NAALADL2: variants seen among roughly 807,000 people sequenced by gnomAD.
NAALADL2 encodes N-acetylated alpha-linked acidic dipeptidase like 2.
Under a neutral mutation model 87.2 loss-of-function variants are expected in NAALADL2, and 76 were observed. The ratio of observed to expected loss-of-function variants is 0.87; its 90% CI spans 0.72 to 1.05. NAALADL2 has a LOEUF of 1.05. NAALADL2 is among the 50% of genes least tolerant of loss of function. The pLI, the probability that NAALADL2 is intolerant of heterozygous loss-of-function variation, is 0.00. For missense variants in NAALADL2, 1,089 were observed against 945.8 expected, an observed-to-expected ratio of 1.15 and a Z score of -1.99; for synonymous variants, 354 against 331.0, an observed-to-expected ratio of 1.07 and a Z score of -0.75.
chr3:175,484,697 G>A (rs1726996776), intron 9 of NAALADL2, among the ~76,000 whole-genome samples: 1 of 152,076 alleles, frequency 6.6e-6, no homozygotes, highest in South Asian at 2.1e-4. Flanking sequence ...AGGCTAATGA[G>A]GCCAAGACTT....
At chr3:175,476,835 G>A (rs1541638) in intron 9 of NAALADL2, among the ~76,000 whole-genome samples, 120,551 of 151,988 alleles carry the variant, frequency 0.79, 47,882 homozygotes, top group East Asian at 0.9. Context: ...TTGAGTGACT[G>A]GAGCCCTGAC....
In NAALADL2 at chr3:175,761,093, G is replaced by T. The variant is rs568100876; in HGVS notation, c.2189+5675G>T. On this transcript the variant is annotated intron_variant, in intron 13 of 13. Coordinates refer to ENST00000454872, the MANE Select transcript of NAALADL2 (RefSeq NM_207015.3). Reference sequence around the variant, plus strand: ...CTAAAATGAATAGTTTAATATCAGGGTTTGCTCTTTAGGTTGTACATTCTA... The same window carrying T: ...CTAAAATGAATAGTTTAATATCAGGTTTTGCTCTTTAGGTTGTACATTCTA... 3.3e-5 allele frequency among the ~76,000 whole-genome samples: 5 copies of T among 152,220 alleles called. No homozygotes were observed. The East Asian group carries it at 7.7e-4, about 24-fold the overall frequency.
intron 1 of NAALADL2, among the ~76,000 whole-genome samples, chr3:174,957,574 GA>G (rs1215107772): frequency 1.3e-5 from 2 of 151,676 alleles, no homozygotes; most frequent in African/African-American, 2.4e-5. Flanking sequence ...AGACCCAATA[GA>G]AAAAGTTTTA....
chr3:174,483,022 T>C (rs1717653623), intron 1 of NAALADL2, among the ~76,000 whole-genome samples: 1 of 152,032 alleles, frequency 6.6e-6, no homozygotes, highest in South Asian at 2.1e-4. Context: ...CAACATTAGA[T>C]TGTGTTACTC....
chr3:175,170,187 G>C (rs1397665343), intron 2 of NAALADL2, among the ~76,000 whole-genome samples: 1 of 151,456 alleles, frequency 6.6e-6, no homozygotes, highest in South Asian at 2.1e-4. Context: ...AAAAATAAAA[G>C]TTTAGAATAA....
chr3:175,327,497 C>T (rs895140570), intron 5 of NAALADL2, among the ~76,000 whole-genome samples: 2 of 151,990 alleles, frequency 1.3e-5, no homozygotes, highest in African/African-American at 4.8e-5. Flanking sequence ...TTTATATGTA[C>T]GTTCCCACAA....
intron 1 of NAALADL2, among the ~76,000 whole-genome samples, chr3:174,475,474 A>G (rs1248549924): frequency 1.3e-5 from 2 of 151,814 alleles, no homozygotes; most frequent in Non-Finnish European, 2.9e-5. Context: ...TTTTAGTTTC[A>G]TAGAAATATA....
At chr3:174,749,131 A>C (rs1392552926) in intron 3 of NAALADL2, among the ~76,000 whole-genome samples, 1 of 147,788 alleles carries the variant, frequency 6.8e-6, no homozygotes, top group Non-Finnish European at 1.5e-5. Flanking sequence ...GCCTAATCCC[A>C]ATTTTCTCTC....
chr3:175,603,377 A>G (rs910010362), intron 10 of NAALADL2, among the ~76,000 whole-genome samples: 6 of 152,130 alleles, frequency 3.9e-5, no homozygotes, highest in Non-Finnish European at 7.3e-5. Context: ...TAATACATAG[A>G]CTCATATTGT....
intron 12 of NAALADL2, among the ~76,000 whole-genome samples, chr3:175,745,644 A>G (rs1032326398): frequency 2.0e-5 from 3 of 152,168 alleles, no homozygotes; most frequent in African/African-American, 7.2e-5. Flanking sequence ...TTTTTTCCAC[A>G]AATATTTTCA....
At chr3:175,571,748 G>A (rs1463675412) in intron 9 of NAALADL2, among the ~76,000 whole-genome samples, 2 of 152,136 alleles carry the variant, frequency 1.3e-5, no homozygotes, top group East Asian at 1.9e-4. Context: ...TCTATGCCAG[G>A]AATGTTTTTC....
Position 175,251,785 on chromosome 3 carries a change from A to G in NAALADL2, c.820-4626A>G, listed in dbSNP as rs115861617. Among the ~76,000 whole-genome samples, 92 of 152,340 alleles carry G rather than the reference A, an allele frequency of 6.0e-4. 1 individual carries two copies. The highest frequency in any genetic ancestry group is 1.2e-3 in the Non-Finnish European group (82 of 68,034). The stretch of plus-strand genomic sequence containing the variant: ...AAGTCTATAGAAAAGACTTTCAAAA[A>G]GGATCTAGTTTTAAGGCTTGCTTTG... On this transcript the variant is annotated intron_variant, in intron 3 of 13. Transcript: ENST00000454872.
intron 9 of NAALADL2, among the ~76,000 whole-genome samples, chr3:175,551,704 C>T (rs1439970300): frequency 1.3e-5 from 2 of 152,008 alleles, no homozygotes; most frequent in Admixed American, 1.3e-4. Flanking sequence ...TCGAGACCAT[C>T]CTGGCTAACA....
intron 10 of NAALADL2, among the ~76,000 whole-genome samples, chr3:175,592,558 C>G (rs1721664860): frequency 6.6e-6 from 1 of 151,916 alleles, no homozygotes; most frequent in African/African-American, 2.4e-5. Flanking sequence ...ACTATGCAGC[C>G]ATAAAAAATG....
At chr3:175,132,192 A>T (rs1204184438) in intron 2 of NAALADL2, among the ~76,000 whole-genome samples, 6 of 73,010 alleles carry the variant, frequency 8.2e-5, no homozygotes, top group South Asian at 4.9e-4. Flanking sequence ...GGGGCTCCTC[A>T]CTTCCCAGTA....
At chr3:175,010,348 C>T (rs1749614820) in intron 1 of NAALADL2, among the ~76,000 whole-genome samples, 1 of 152,054 alleles carries the variant, frequency 6.6e-6, no homozygotes, top group African/African-American at 2.4e-5. Context: ...GATAAGTGTA[C>T]ACTGGGAAAT....
intron 5 of NAALADL2, among the ~76,000 whole-genome samples, chr3:175,432,257 G>A (rs1014498236): frequency 2.6e-5 from 4 of 151,954 alleles, no homozygotes; most frequent in Non-Finnish European, 5.9e-5. Flanking sequence ...TATATGCCAA[G>A]TATCAAGCTC....
chr3:174,916,370 T>C (rs1477560723), intron 1 of NAALADL2, among the ~76,000 whole-genome samples: 1 of 151,926 alleles, frequency 6.6e-6, no homozygotes, highest in Non-Finnish European at 1.5e-5. Context: ...CCTGGGTATC[T>C]ACCCAAAGGA....
intron 11 of NAALADL2, among the ~76,000 whole-genome samples, chr3:175,665,933 C>T (rs113799368): frequency 2.4e-4 from 37 of 151,364 alleles, no homozygotes; most frequent in African/African-American, 7.8e-4. Flanking sequence ...CTGTCCCCCC[C>T]CCAAAAAAAA....
Sources: allele counts gnomAD v4.1 joint callset (sites outside exome capture counted in the v4.1 genomes callset), GRCh38; gene constraint gnomAD v4.1.1; transcripts MANE v1.5; gene names NCBI Gene and HGNC (gene_info 2026-07-23, HGNC 2026-07-21).